UTRN: variants seen among roughly 807,000 people sequenced by gnomAD.
The protein encoded by UTRN is utrophin, also known as dystrophin-related protein 1.
UTRN carries 283 observed loss-of-function variants against 463.9 expected under a neutral mutation model. The ratio of observed to expected loss-of-function variants is 0.61; its 90% CI spans 0.55 to 0.67. The LOEUF (loss-of-function observed/expected upper bound fraction) is 0.67. Among genes scored for constraint, UTRN ranks in the 30% least tolerant of loss-of-function variants. The probability of loss-of-function intolerance (pLI) is 0.00; values close to 1 mark genes in which losing one functional copy is unlikely to be tolerated. For missense variants in UTRN, 3,922 were observed against 4,084.3 expected (o/e 0.96, Z 1.08); for synonymous variants, 1,442 against 1,431.5 (o/e 1.01, Z -0.17).
intron 51 of UTRN, among the ~76,000 whole-genome samples, chr6:144,640,305 T>G (rs1777639679): frequency 6.6e-6 from 1 of 152,106 alleles, no homozygotes; most frequent in East Asian, 1.9e-4. Flanking sequence ...ATCAAGTATA[T>G]TATAGATGGA....
At position 144,510,980 on chromosome 6, in the gene UTRN, T is replaced by C. The variant is rs759582227; in HGVS notation, c.4801T>C (p.Leu1601=). The change falls in exon 35 of 75, where the codon TTA becomes CTA. Residue 1601 remains leucine, a synonymous_variant. Coordinates refer to ENST00000367545, the MANE Select transcript of UTRN (RefSeq NM_007124.3). ...GGATCTGGAAAAGAGAAAAGCTGAT[T>C]TAAATACCATCACAGAGAGTAGTGC... ...LKDLEKRKAD[L]NTITESSAAL... is the part of the protein sequence containing the mutation. 1 of 1,607,640 alleles carries C rather than the reference T, an allele frequency of 6.2e-7. No homozygotes were observed. Among genetic ancestry groups the C allele is most frequent in the South Asian group, 1.1e-5 (1 of 90,180 alleles).
intron 52 of UTRN, among the ~76,000 whole-genome samples, chr6:144,680,497 G>A (rs1782098708): frequency 6.6e-6 from 1 of 152,298 alleles, no homozygotes; most frequent in South Asian, 2.1e-4. Context: ...ATAAATTAAT[G>A]TGATAATGAA....
intron 2 of UTRN, among the ~76,000 whole-genome samples, chr6:144,376,377 C>T (rs966551914): frequency 1.3e-5 from 2 of 151,902 alleles, no homozygotes; most frequent in Non-Finnish European, 2.9e-5. Flanking sequence ...ATCGCTTGAA[C>T]TCGGGAGGCG....
chr6:144,340,689 A>G (rs1777076919), intron 2 of UTRN, among the ~76,000 whole-genome samples: 1 of 152,234 alleles, frequency 6.6e-6, no homozygotes, highest in Non-Finnish European at 1.5e-5. Context: ...ACTAGATTGA[A>G]TAAGAAAGCG....
intron 50 of UTRN, among the ~76,000 whole-genome samples, chr6:144,559,932 A>C (rs1350740768): frequency 1.3e-5 from 2 of 152,162 alleles, no homozygotes; most frequent in South Asian, 4.1e-4. Context: ...CTAAATGGTA[A>C]TGCTCTTCAT....
At chr6:144,705,529 C>A (rs939753505) in intron 53 of UTRN, among the ~76,000 whole-genome samples, 2 of 152,096 alleles carry the variant, frequency 1.3e-5, no homozygotes, top group South Asian at 4.1e-4. Flanking sequence ...CTGTGTCCTC[C>A]CATAGTGGAA....
chr6:144,588,737 C>A (rs904863089), intron 51 of UTRN, among the ~76,000 whole-genome samples: 1 of 152,192 alleles, frequency 6.6e-6, no homozygotes, highest in Non-Finnish European at 1.5e-5. Context: ...GCAGACATAG[C>A]TCCTTCCTCT....
intron 46 of UTRN, among the ~76,000 whole-genome samples, chr6:144,543,400 C>T (rs943866462): frequency 6.6e-6 from 1 of 152,152 alleles, no homozygotes; most frequent in African/African-American, 2.4e-5. Flanking sequence ...TCACTATTTC[C>T]TTCTCTCTTT....
intron 52 of UTRN, among the ~76,000 whole-genome samples, chr6:144,683,625 A>G (rs929651113): frequency 1.3e-5 from 2 of 152,084 alleles, no homozygotes; most frequent in Non-Finnish European, 2.9e-5. Flanking sequence ...TGTCTCAAAT[A>G]TTTCTCGAAA....
At chr6:144,536,678 C>T (rs778426379) in intron 43 of UTRN, among the ~76,000 whole-genome samples, 30 of 152,070 alleles carry the variant, frequency 2.0e-4, no homozygotes, top group Non-Finnish European at 3.5e-4. Flanking sequence ...AGGAATGATA[C>T]AATACAATTT....
At chr6:144,416,929 C>A (rs1784408602) in intron 3 of UTRN, among the ~76,000 whole-genome samples, 1 of 152,174 alleles carries the variant, frequency 6.6e-6, no homozygotes, top group Admixed American at 6.5e-5. Flanking sequence ...TTCTCTTTGT[C>A]AGAGAAGTCT....
chr6:144,607,166 T>G (rs1400087340), intron 51 of UTRN, among the ~76,000 whole-genome samples: 1 of 152,224 alleles, frequency 6.6e-6, no homozygotes, highest in Non-Finnish European at 1.5e-5. Flanking sequence ...CCAGAAATTA[T>G]GTTTCTGCAA....
intron 19 of UTRN, among the ~76,000 whole-genome samples, chr6:144,457,957 T>G (rs1167679423): frequency 6.6e-6 from 1 of 152,340 alleles, no homozygotes; most frequent in South Asian, 2.1e-4. Flanking sequence ...CCATACTTTT[T>G]CATAGTCATT....
Position 144,291,473 on chromosome 6 carries a change from T to C in UTRN, c.-92-264T>C, listed in dbSNP as rs947154737. On this transcript the variant is annotated intron_variant, in intron 1 of 74. Transcript: ENST00000367545. ...CTCCTCTGCTGTGTGCTCTTAATAC[T>C]CTGTGCTTCTCCTTTGTATGATTTG... 2.6e-5 allele frequency among the ~76,000 whole-genome samples: 4 copies of C among 152,224 alleles called. No individual in the cohort carries two copies. The East Asian group carries it at 7.7e-4, about 29-fold the overall frequency.
At chr6:144,599,476 T>C (rs1804009627) in intron 51 of UTRN, among the ~76,000 whole-genome samples, 1 of 152,140 alleles carries the variant, frequency 6.6e-6, no homozygotes, top group Admixed American at 6.6e-5. Context: ...TTTTTTTAAA[T>C]CTCTAAGTTG....
chr6:144,737,027 G>T lies in UTRN; in HGVS notation c.7939+6541G>T, dbSNP rs1224544697. 2.0e-5 allele frequency among the ~76,000 whole-genome samples: 3 copies of T among 152,080 alleles called. No homozygotes were observed. The East Asian group carries it at 5.8e-4, about 29-fold the overall frequency. On this transcript the variant is annotated intron_variant, in intron 54 of 74. Transcript: ENST00000367545. ...CCGAGCTCTCTGCCATGATTCCCTG[G>T]CACCCTGTGGTCTCTCTCACTGTGT... is the stretch of plus-strand genomic sequence containing the variant.
rs151263871 is a variant in UTRN at position 144,426,352 on chromosome 6, C to T, written c.471C>T (p.Leu157=). 4.3e-6 allele frequency: 7 copies of T among 1,614,202 alleles called. No homozygotes were observed. Among genetic ancestry groups the T allele is most frequent in the Non-Finnish European group, 5.9e-6 (7 of 1,180,028 alleles). Reference sequence around the variant, plus strand: ...AGACGAACAGTGAGAAGATCCTGCTCAGCTGGGTGCGTCAGACCACCAGGC... The same window carrying T: ...AGACGAACAGTGAGAAGATCCTGCTTAGCTGGGTGCGTCAGACCACCAGGC... ...LQQTNSEKIL[L]SWVRQTTRPY... Residue 157 remains leucine, a synonymous_variant, in exon 7 of 75, where the codon CTC becomes CTT. Coordinates refer to ENST00000367545, the MANE Select transcript of UTRN (RefSeq NM_007124.3).
rs74993458 is a variant in UTRN at position 144,524,637 on chromosome 6, A to G, written c.5906+1449A>G. ...GTATATGATCATGTTACCAGCAAAC[A>G]GTAACAGTTTGAGTTCCTTTTAACC... On this transcript the variant is annotated intron_variant, in intron 41 of 74. Coordinates refer to ENST00000367545, the MANE Select transcript of UTRN (RefSeq NM_007124.3). 9.2e-5 allele frequency among the ~76,000 whole-genome samples: 14 copies of G among 152,332 alleles called. No individual in the cohort carries two copies. In the East Asian group the frequency reaches 2.7e-3, roughly 29 times the overall value.
rs193265392 is a variant in UTRN at position 144,487,623 on chromosome 6, G to A, written c.3898G>A (p.Gly1300Arg). 3 of 1,613,410 alleles carry A rather than the reference G, an allele frequency of 1.9e-6. No homozygotes were observed. Among genetic ancestry groups the A allele is most frequent in the Non-Finnish European group, 2.5e-6 (3 of 1,179,628 alleles). ...IRELGQTLID[G>R]GILDDIISEK... ...AGAGCTTGGCCAGACTCTGATTGAT[G>A]GGGGGATCCTGGATGATATAATCAG... The change falls in exon 29 of 75, where the codon GGG (glycine) becomes AGG (arginine). Residue 1300 changes from glycine (G) to arginine (R), a missense_variant. By Grantham distance (125) the Gly-to-Arg change is moderately radical. Transcript: ENST00000367545.
Sources: allele counts gnomAD v4.1 joint callset (sites outside exome capture counted in the v4.1 genomes callset), GRCh38; gene constraint gnomAD v4.1.1; transcripts MANE v1.5; gene names NCBI Gene and HGNC (gene_info 2026-07-23, HGNC 2026-07-21).